SYCP1: variants seen among roughly 807,000 people sequenced by gnomAD.
The protein encoded by SYCP1 is synaptonemal complex protein 1.
SYCP1 carries 64 observed loss-of-function variants against 153.1 expected under a neutral mutation model. The ratio of observed to expected loss-of-function variants is 0.42; its 90% confidence interval spans 0.34 to 0.51. The LOEUF is 0.51. Among genes scored for constraint, SYCP1 ranks in the 20% least tolerant of loss-of-function variants. The pLI, the probability that SYCP1 is intolerant of heterozygous loss-of-function variation, is 0.06. For synonymous variants in SYCP1, 384 were observed against 341.8 expected (o/e 1.12, Z -1.36); for missense variants, 997 against 1,049.0 (o/e 0.95, Z 0.68).
Position 114,885,626 on chromosome 1 carries a change from T to A in SYCP1, c.1002T>A (p.Ser334Arg). 6.4e-7 allele frequency: 1 copy of A among 1,552,676 alleles called. No individual in the cohort carries two copies. Among genetic ancestry groups the A allele is most frequent in the Non-Finnish European group, 8.7e-7 (1 of 1,143,176 alleles). ...ATATTAAAGTGTCATTACAAAGAAG[T>A]GTGGTATGATTTAAAAACTCATTAG... ...LEDIKVSLQR[S>R]VSTQKALEED... is the part of the protein sequence containing the mutation. Residue 334 changes from serine (S) to arginine (R), a missense_variant, in exon 13 of 32, where the codon AGT becomes AGA. Transcript: ENST00000369522.
intron 27 of SYCP1, among the ~76,000 whole-genome samples, chr1:114,972,436 T>C (rs1174134870): frequency 6.6e-6 from 1 of 152,146 alleles, no homozygotes; most frequent in Admixed American, 6.6e-5. Flanking sequence ...ATCTTTATTG[T>C]TTCTTCTACT....
chr1:114,962,706 T>G (rs1320985943), intron 27 of SYCP1, among the ~76,000 whole-genome samples: 1 of 152,198 alleles, frequency 6.6e-6, no homozygotes, highest in African/African-American at 2.4e-5. Context: ...CCATTCATTG[T>G]GCTATTTGTT....
At chr1:114,986,682 T>C (rs1673532107) in intron 30 of SYCP1, among the ~76,000 whole-genome samples, 1 of 151,996 alleles carries the variant, frequency 6.6e-6, no homozygotes, top group African/African-American at 2.4e-5. Context: ...AAAATTAAGA[T>C]TTAAAAATGG....
intron 27 of SYCP1, among the ~76,000 whole-genome samples, chr1:114,949,657 C>T (rs1030325521): frequency 1.8e-4 from 28 of 152,136 alleles, no homozygotes; most frequent in African/African-American, 6.5e-4. Flanking sequence ...CTTCCCTATA[C>T]TGTCTCATTT....
At chr1:114,949,673 A>G (rs953545125) in intron 27 of SYCP1, among the ~76,000 whole-genome samples, 13 of 152,158 alleles carry the variant, frequency 8.5e-5, no homozygotes, top group Admixed American at 2.0e-4. Flanking sequence ...CATTTCTATC[A>G]TCTTATAAAA....
intron 3 of SYCP1, among the ~76,000 whole-genome samples, chr1:114,856,922 A>T (rs1663986988): frequency 1.9e-5 from 1 of 51,432 alleles, no homozygotes; most frequent in Admixed American, 1.9e-4. Flanking sequence ...CTGTCTGTAC[A>T]AAAAAAAAAA....
intron 12 of SYCP1, among the ~76,000 whole-genome samples, chr1:114,880,983 T>G (rs1665878171): frequency 6.6e-6 from 1 of 151,984 alleles, no homozygotes; most frequent in Non-Finnish European, 1.5e-5. Context: ...ATCAAAAATT[T>G]AAGTAGATAA....
intron 6 of SYCP1, 84 bp downstream of exon 6, chr1:114,858,795 T>C: frequency 8.3e-7 from 1 of 1,204,156 alleles, no homozygotes; most frequent in African/African-American, 1.5e-5. Flanking sequence ...TTGGGATAAA[T>C]TGGATTGATC....
chr1:114,924,263 G>C (rs1271394449), intron 21 of SYCP1, among the ~76,000 whole-genome samples: 1 of 152,144 alleles, frequency 6.6e-6, no homozygotes, highest in Admixed American at 6.6e-5. Context: ...ATCTTGGAGA[G>C]GACTCTGGCC....
At position 114,895,537 on chromosome 1, in the gene SYCP1, T is replaced by C. The variant is rs776153560; in HGVS notation, c.1320+28T>C. On this transcript the variant is annotated intron_variant, in intron 16 of 31. Coordinates refer to ENST00000369522, the MANE Select transcript of SYCP1 (RefSeq NM_003176.4). ...AAGTATAGTCTTTCCTATTAATATA[T>C]AGCAATTACTTTTCAGAAGAATATT... The C allele has an allele frequency of 1.3e-5, 16 of 1,213,384 alleles. No individual in the cohort carries two copies. The Admixed American group carries it at 1.6e-4, about 12-fold the overall frequency. The allele number at this position is 1,213,384 out of a possible 1,614,324, so 75.2% of individuals were successfully genotyped here.
chr1:114,961,976 CT>C (rs562251009), intron 27 of SYCP1, among the ~76,000 whole-genome samples: 6,375 of 124,380 alleles, frequency 0.051, 413 homozygotes, highest in African/African-American at 0.18. Context: ...TGCCATCTAT[CT>C]TTTTTTTTTT....
chr1:114,933,305 C>A (rs1669762578), intron 23 of SYCP1, among the ~76,000 whole-genome samples: 2 of 152,198 alleles, frequency 1.3e-5, no homozygotes, highest in Non-Finnish European at 2.9e-5. Context: ...GGACCTCCAG[C>A]AAACTCCAAC....
At chr1:114,903,405 TTAGGA>T (rs992397686) in intron 16 of SYCP1, among the ~76,000 whole-genome samples, 9 of 152,150 alleles carry the variant, frequency 5.9e-5, no homozygotes, top group Non-Finnish European at 1.3e-4. Flanking sequence ...ACTAGTTAGG[TTAGGA>T]TAGGCTTTTT....
At chr1:114,977,841 A>G (rs1475164049) in intron 28 of SYCP1, among the ~76,000 whole-genome samples, 1 of 151,568 alleles carries the variant, frequency 6.6e-6, no homozygotes, top group Non-Finnish European at 1.5e-5. Flanking sequence ...TAATGCAGAA[A>G]CAAAAAAGAA....
chr1:114,910,752 C>A (rs1165035924), intron 17 of SYCP1, among the ~76,000 whole-genome samples: 2 of 151,898 alleles, frequency 1.3e-5, no homozygotes, highest in African/African-American at 4.8e-5. Context: ...AGTGATATTT[C>A]TTGATGTCTT....
At chr1:114,989,433 A>G (rs12735322) in intron 30 of SYCP1, among the ~76,000 whole-genome samples, 1 of 152,014 alleles carries the variant, frequency 6.6e-6, no homozygotes, top group Admixed American at 6.6e-5. Flanking sequence ...GAGGAGACAA[A>G]ACCCTATAAT....
At chr1:114,982,935 T>G (rs1471332426) in intron 29 of SYCP1, among the ~76,000 whole-genome samples, 1 of 152,104 alleles carries the variant, frequency 6.6e-6, no homozygotes, top group East Asian at 1.9e-4. Context: ...CTGTAAAGTT[T>G]GTATTTTTTG....
intron 20 of SYCP1, among the ~76,000 whole-genome samples, chr1:114,920,096 TA>T: frequency 6.6e-6 from 1 of 152,094 alleles, no homozygotes; most frequent in African/African-American, 2.4e-5. Context: ...TTTGACTTTT[TA>T]AAACTTTTTT....
intron 3 of SYCP1, among the ~76,000 whole-genome samples, chr1:114,856,925 A>AC (rs1663989442): frequency 6.9e-6 from 1 of 145,404 alleles, no homozygotes; most frequent in African/African-American, 2.5e-5. Flanking sequence ...TCTGTACAAA[A>AC]AAAAAAAAAA....
Sources: gnomAD v4.1 joint callset for allele counts (sites outside exome capture counted in the v4.1 genomes callset) on GRCh38, gnomAD v4.1.1 for gene constraint, MANE v1.5 for transcripts, NCBI Gene and HGNC (gene_info 2026-07-23, HGNC 2026-07-21) for gene names.